SRPRB: variants seen among roughly 807,000 people sequenced by gnomAD.
SRPRB encodes signal recognition particle receptor subunit beta.
In SRPRB, 20 loss-of-function variants were observed where a neutral mutation model predicts 31.9. The observed-to-expected ratio is 0.63, with a 90% CI of 0.44 to 0.91. The LOEUF (loss-of-function observed/expected upper bound fraction) is 0.91, where lower values mean the gene tolerates loss of function less well. SRPRB is among the 40% of genes least tolerant of loss of function. SRPRB has a pLI of 0.00. For synonymous variants in SRPRB, 146 were observed against 132.8 expected (o/e 1.10, Z -0.68); for missense variants, 321 against 324.9 (o/e 0.99, Z 0.09).
chr3:133,814,010 G>C (rs1935320257), intron 4 of SRPRB, among the ~76,000 whole-genome samples: 1 of 152,178 alleles, frequency 6.6e-6, no homozygotes, highest in Non-Finnish European at 1.5e-5. Flanking sequence ...CGACCTCCCT[G>C]AGACTATTTT....
At chr3:133,814,702 G>C (rs921615081) in intron 4 of SRPRB, among the ~76,000 whole-genome samples, 1 of 152,134 alleles carries the variant, frequency 6.6e-6, no homozygotes, top group African/African-American at 2.4e-5. Context: ...GCCCCCCAAA[G>C]TGCTGGGATT....
chr3:133,811,073 G>T (rs777635673), intron 3 of SRPRB, 44 bp from the exon 4 acceptor site: 1 of 1,589,798 alleles, frequency 6.3e-7, no homozygotes, highest in Non-Finnish European at 8.6e-7. Flanking sequence ...TATTGTGAAC[G>T]TGGAACTGTA....
At chr3:133,800,778 C>G (rs1935049472) in intron 1 of SRPRB, among the ~76,000 whole-genome samples, 1 of 152,192 alleles carries the variant, frequency 6.6e-6, no homozygotes, top group Non-Finnish European at 1.5e-5. Context: ...GCAATGGACA[C>G]AGTAGGCCTG....
chr3:133,812,029 T>C (rs903777909), intron 4 of SRPRB, among the ~76,000 whole-genome samples: 7 of 152,346 alleles, frequency 4.6e-5, no homozygotes, highest in African/African-American at 1.7e-4. Flanking sequence ...GCTTCTTTTT[T>C]GGTCTCTAAC....
chr3:133,823,815 T>TAAG (rs1935511753), downstream of SRPRB, among the ~76,000 whole-genome samples: 1 of 152,162 alleles, frequency 6.6e-6, no homozygotes, highest in Admixed American at 6.5e-5. Flanking sequence ...TAGTTCACCT[T>TAAG]AAGTTCTTGC....
intron 3 of SRPRB, among the ~76,000 whole-genome samples, chr3:133,808,813 C>A (rs1296963641): frequency 1.3e-4 from 20 of 150,494 alleles, no homozygotes; most frequent in African/African-American, 4.9e-4. Context: ...TCATTTTAAC[C>A]CGGGAGGTGG....
upstream of SRPRB, among the ~76,000 whole-genome samples, chr3:133,805,232 G>T (rs144027078): frequency 2.0e-5 from 3 of 152,132 alleles, no homozygotes; most frequent in Non-Finnish European, 2.9e-5. Context: ...CAGTGTAGGG[G>T]CACTGAATTA....
chr3:133,808,004 CCCT>C (rs1281741089), intron 3 of SRPRB, among the ~76,000 whole-genome samples, 181 bp downstream of exon 3: 3 of 152,282 alleles, frequency 2.0e-5, no homozygotes, highest in South Asian at 2.1e-4. Context: ...TTTAATCATG[CCCT>C]CCTCTGCATT....
downstream of SRPRB, chr3:133,827,590 G>A (rs1267082595): frequency 2.8e-6 from 1 of 359,050 alleles, no homozygotes. Context: ...CGCAGCCACA[G>A]TAGCCACAAA....
upstream of SRPRB, among the ~76,000 whole-genome samples, chr3:133,802,510 C>T (rs552013292): frequency 1.2e-4 from 18 of 152,316 alleles, no homozygotes; most frequent in Non-Finnish European, 2.2e-4. Flanking sequence ...ACACCATAGT[C>T]TTGCTTCCAT....
intron 1 of SRPRB, chr3:133,789,469 T>G (rs1414502808): frequency 6.6e-6 from 1 of 152,228 alleles, no homozygotes. Flanking sequence ...ATTGGATTGC[T>G]TATTGGGTAC....
chr3:133,805,566 A>C, upstream of SRPRB: 7 of 294,606 alleles, frequency 2.4e-5, no homozygotes, highest in Admixed American at 5.1e-5. Flanking sequence ...CATTTTATTC[A>C]TTTCATCATT....
At position 133,811,147 on chromosome 3, in the gene SRPRB, G is replaced by A. The variant is rs752365622; in HGVS notation, c.358G>A (p.Gly120Ser). ...GNSLTLIDLP[G>S]HESLRLQFLE... The stretch of plus-strand genomic sequence containing the variant: ...TAGTCTGACCTTGATTGACCTTCCC[G>A]GCCATGAGAGTTTGAGGCTTCAGTT... Residue 120 changes from glycine (G) to serine (S), a missense_variant, in exon 4 of 7, where the codon GGC becomes AGC. Transcript: ENST00000678299. The A allele has an allele frequency of 1.7e-5, 28 of 1,614,016 alleles. No individual in the cohort carries two copies. Among genetic ancestry groups the A allele is most frequent in the South Asian group, 8.8e-5 (8 of 91,084 alleles).
downstream of SRPRB, chr3:133,828,466 A>T (rs1935606724): frequency 4.8e-6 from 2 of 417,690 alleles, no homozygotes; most frequent in African/African-American, 4.1e-5. Flanking sequence ...TTCAAATAAA[A>T]ATGACTACAT....
intron 4 of SRPRB, among the ~76,000 whole-genome samples, chr3:133,813,742 C>T (rs557386541): frequency 4.3e-4 from 66 of 152,284 alleles, no homozygotes; most frequent in South Asian, 6.2e-4. Context: ...AATTTTTGCT[C>T]CAGAACCTTT....
intron 1 of SRPRB, chr3:133,791,292 T>G (rs1934824460): frequency 6.6e-6 from 1 of 152,184 alleles, no homozygotes; most frequent in Non-Finnish European, 1.5e-5. Context: ...TGAGTCATAT[T>G]TCTCTGTCTG....
rs1315081668 is a variant in SRPRB, at chr3:133,815,858, G to A, written c.547+132G>A. On this transcript the variant is annotated intron_variant, in intron 5 of 6. Coordinates refer to ENST00000678299, the MANE Select transcript of SRPRB (RefSeq NM_001379313.1). ...TGCTGTAAAGAACTATAAATTGAAGGATTTTTAATCTTAAAATTTATTTCT... is the reference window on the plus strand; with the variant it reads ...TGCTGTAAAGAACTATAAATTGAAGAATTTTTAATCTTAAAATTTATTTCT... 15 of 1,122,830 alleles carry A rather than the reference G, an allele frequency of 1.3e-5. No homozygotes were observed. In the East Asian group the frequency reaches 3.2e-4, roughly 24 times the overall value. The allele number at this position is 1,122,830 out of a possible 1,614,324, so 69.6% of individuals were successfully genotyped here. A position where few individuals can be genotyped will look rare whatever the true frequency, so the allele number is the denominator to read the frequency against.
upstream of SRPRB, among the ~76,000 whole-genome samples, chr3:133,802,334 A>T (rs2107964722): frequency 6.6e-6 from 1 of 152,340 alleles, no homozygotes; most frequent in African/African-American, 2.4e-5. Context: ...ACTTGAGCCC[A>T]GGAGTTCCAG....
In SRPRB at chr3:133,784,964, G is replaced by C. The variant is rs1272295071; in HGVS notation, c.-174+820G>C. 2.5e-5 allele frequency: 2 copies of C among 79,990 alleles called. 1 individual carries two copies. Among genetic ancestry groups the C allele is most frequent in the Non-Finnish European group, 6.3e-5 (2 of 31,796 alleles). 5.0% of individuals were successfully genotyped at this position (79,990 alleles called of 1,614,324 possible). A position where few individuals can be genotyped will look rare whatever the true frequency, so the allele number is the denominator to read the frequency against. On this transcript the variant is annotated intron_variant, in intron 1 of 7. Transcript: ENST00000466490. ...AGGGAGGTGGGGGGGTCAGCCCCCCGCCTGGCCAGCCGCCCCGTCCGGGAG... is the reference window on the plus strand; with the variant it reads ...AGGGAGGTGGGGGGGTCAGCCCCCCCCCTGGCCAGCCGCCCCGTCCGGGAG...
Sources: gnomAD v4.1 joint callset for allele counts (sites outside exome capture counted in the v4.1 genomes callset) on GRCh38, gnomAD v4.1.1 for gene constraint, MANE v1.5 for transcripts, NCBI Gene and HGNC (gene_info 2026-07-23, HGNC 2026-07-21) for gene names.